SNTG1: variants seen among roughly 807,000 people sequenced by gnomAD.
The protein encoded by SNTG1 is syntrophin gamma 1.
SNTG1 carries 39 observed loss-of-function variants against 74.7 expected under a neutral mutation model. The observed-to-expected ratio is 0.52, with a 90% confidence interval of 0.40 to 0.68. The LOEUF is 0.68. SNTG1 is among the 30% of genes least tolerant of loss of function. The probability of loss-of-function intolerance (pLI) is 0.00; values close to 1 mark genes in which losing one functional copy is unlikely to be tolerated. For synonymous variants in SNTG1, 254 were observed against 217.1 expected, an observed-to-expected ratio of 1.17 and a Z score of -1.49; for missense variants, 685 against 609.5, an observed-to-expected ratio of 1.12 and a Z score of -1.30.
At chr8:49,920,233 AC>A (rs1193832690) in intron 1 of SNTG1, among the ~76,000 whole-genome samples, 2 of 152,010 alleles carry the variant, frequency 1.3e-5, no homozygotes, top group African/African-American at 4.8e-5. Flanking sequence ...GTAACCCTAC[AC>A]TTTAGTTTCC....
intron 15 of SNTG1, among the ~76,000 whole-genome samples, chr8:50,702,807 T>A (rs1017256912): frequency 6.6e-6 from 1 of 152,194 alleles, no homozygotes; most frequent in Admixed American, 6.5e-5. Context: ...CTATTTCTCC[T>A]AGGTTACACA....
At chr8:50,056,124 A>T (rs1055196804) in intron 1 of SNTG1, among the ~76,000 whole-genome samples, 1 of 152,104 alleles carries the variant, frequency 6.6e-6, no homozygotes, top group Non-Finnish European at 1.5e-5. Flanking sequence ...TAAAACATGA[A>T]TTTCTATCAG....
chr8:50,073,270 G>C (rs1821533884), intron 1 of SNTG1, among the ~76,000 whole-genome samples: 1 of 152,182 alleles, frequency 6.6e-6, no homozygotes, highest in African/African-American at 2.4e-5. Context: ...ACCAGGAATA[G>C]ATTCCATCTT....
At chr8:50,205,231 G>C (rs1257774196) in intron 2 of SNTG1, among the ~76,000 whole-genome samples, 1 of 152,166 alleles carries the variant, frequency 6.6e-6, no homozygotes, top group Non-Finnish European at 1.5e-5. Flanking sequence ...TCCAGCACCT[G>C]TTGTTTCCTG....
chr8:50,079,891 T>G (rs1241210105), intron 1 of SNTG1, among the ~76,000 whole-genome samples: 1 of 152,224 alleles, frequency 6.6e-6, no homozygotes, highest in Admixed American at 6.5e-5. Context: ...GCTTCTGTTC[T>G]ATTCCATTGG....
chr8:50,727,378 G>A (rs1366534998), intron 17 of SNTG1, among the ~76,000 whole-genome samples: 1 of 152,118 alleles, frequency 6.6e-6, no homozygotes, highest in African/African-American at 2.4e-5. Flanking sequence ...TCCGTTAAGA[G>A]TTTTCTTTGA....
intron 1 of SNTG1, among the ~76,000 whole-genome samples, chr8:50,048,693 T>C (rs16914220): frequency 0.12 from 18,012 of 152,164 alleles, 2,787 homozygotes; most frequent in African/African-American, 0.35. Context: ...GCTCATATTT[T>C]TTAATACTAA....
intron 15 of SNTG1, among the ~76,000 whole-genome samples, chr8:50,685,028 A>C (rs1413986503): frequency 6.6e-6 from 1 of 151,760 alleles, no homozygotes; most frequent in Non-Finnish European, 1.5e-5. Flanking sequence ...ATAGAGCTTC[A>C]CTTCTCCAAG....
intron 15 of SNTG1, among the ~76,000 whole-genome samples, chr8:50,701,800 C>G (rs868508320): frequency 7.0e-6 from 1 of 142,806 alleles, no homozygotes; most frequent in Non-Finnish European, 1.5e-5. Flanking sequence ...CCTCCTCCTC[C>G]TCTTCTTCTT....
intron 5 of SNTG1, among the ~76,000 whole-genome samples, chr8:50,443,710 G>A (rs139064306): frequency 2.6e-5 from 4 of 152,232 alleles, no homozygotes; most frequent in African/African-American, 4.8e-5. Context: ...CCTAGAAGCC[G>A]ATGACAAAGT....
At chr8:50,769,863 T>C (rs934282393) in intron 18 of SNTG1, among the ~76,000 whole-genome samples, 5 of 152,096 alleles carry the variant, frequency 3.3e-5, no homozygotes, top group South Asian at 4.1e-4. Context: ...CATTGTTCTA[T>C]TACATCAAAA....
At chr8:50,642,460 A>T (rs1402084931) in intron 13 of SNTG1, among the ~76,000 whole-genome samples, 1 of 152,166 alleles carries the variant, frequency 6.6e-6, no homozygotes, top group Non-Finnish European at 1.5e-5. Flanking sequence ...ACCTACAAGG[A>T]TGTGTGCAAC....
chr8:50,470,544 C>G (rs527717502), intron 8 of SNTG1, among the ~76,000 whole-genome samples: 4 of 151,764 alleles, frequency 2.6e-5, no homozygotes, highest in Non-Finnish European at 4.4e-5. Context: ...TTAAAGGTGG[C>G]GCGTCCAGAG....
chr8:50,046,204 C>T (rs1440246696), intron 1 of SNTG1, among the ~76,000 whole-genome samples: 2 of 152,282 alleles, frequency 1.3e-5, no homozygotes, highest in Admixed American at 1.3e-4. Flanking sequence ...TTCTTAGCTA[C>T]AGGCCATAAG....
intron 1 of SNTG1, among the ~76,000 whole-genome samples, chr8:50,106,199 A>G (rs1266402458): frequency 6.6e-6 from 1 of 152,166 alleles, no homozygotes; most frequent in African/African-American, 2.4e-5. Flanking sequence ...ACTTACAATC[A>G]TGGTGGAAGG....
intron 15 of SNTG1, among the ~76,000 whole-genome samples, chr8:50,684,853 C>A (rs2095345720): frequency 6.6e-6 from 1 of 150,900 alleles, no homozygotes; most frequent in Admixed American, 6.6e-5. Context: ...CGTCATCTAC[C>A]ATTAGGCGTA....
intron 1 of SNTG1, among the ~76,000 whole-genome samples, chr8:49,921,505 A>G (rs1488225025): frequency 2.0e-5 from 3 of 152,156 alleles, no homozygotes; most frequent in African/African-American, 7.2e-5. Flanking sequence ...GGAAGATAGT[A>G]GGGATCAGAA....
intron 2 of SNTG1, among the ~76,000 whole-genome samples, chr8:50,289,941 A>G (rs930559592): frequency 6.6e-6 from 1 of 152,182 alleles, no homozygotes; most frequent in South Asian, 2.1e-4. Context: ...GCAGAATGTC[A>G]TCACAGAATT....
At chr8:50,011,229 A>G (rs1018592550) in intron 1 of SNTG1, among the ~76,000 whole-genome samples, 2 of 152,260 alleles carry the variant, frequency 1.3e-5, no homozygotes, top group East Asian at 3.9e-4. Context: ...TCTGACTCTT[A>G]CTAGCTTCTA....
Sources: allele counts gnomAD v4.1 joint callset (sites outside exome capture counted in the v4.1 genomes callset), GRCh38; gene constraint gnomAD v4.1.1; transcripts MANE v1.5; gene names NCBI Gene and HGNC (gene_info 2026-07-23, HGNC 2026-07-21).